The following WDR7 variants were observed in gnomAD, a reference collection of about 807,000 sequenced individuals.
The protein encoded by WDR7 is WD repeat-containing protein 7.
In WDR7, 46 loss-of-function variants were observed where a neutral mutation model predicts 169.4. That is an observed-to-expected ratio of 0.27 (90% CI 0.21 to 0.35). The LOEUF (loss-of-function observed/expected upper bound fraction) is 0.35. WDR7 is among the 10% of genes least tolerant of loss of function. The probability of loss-of-function intolerance (pLI) is 1.00; values close to 1 mark genes in which losing one functional copy is unlikely to be tolerated. For synonymous variants in WDR7, 612 were observed against 666.8 expected (o/e 0.92, Z 1.27); for missense variants, 1,534 against 1,859.3 (o/e 0.83, Z 3.22).
chr18:56,961,771 C>G (rs1489081648), intron 25 of WDR7, among the ~76,000 whole-genome samples: 1 of 152,022 alleles, frequency 6.6e-6, no homozygotes, highest in African/African-American at 2.4e-5. Context: ...ATATAAGTAC[C>G]AAATATGCTT....
chr18:56,708,801 G>A (rs1055845914), intron 12 of WDR7, among the ~76,000 whole-genome samples: 2 of 152,102 alleles, frequency 1.3e-5, no homozygotes, highest in Non-Finnish European at 2.9e-5. Context: ...TCCAGGCATG[G>A]TGGCATGTGC....
At chr18:56,751,786 A>G (rs1599015724) in intron 14 of WDR7, among the ~76,000 whole-genome samples, 1 of 152,352 alleles carries the variant, frequency 6.6e-6, no homozygotes, top group East Asian at 1.9e-4. Flanking sequence ...ATCAGTAAGC[A>G]TAGTGTCTGA....
chr18:56,964,365 C>G (rs1201806266), intron 26 of WDR7, among the ~76,000 whole-genome samples: 1 of 151,790 alleles, frequency 6.6e-6, no homozygotes, highest in African/African-American at 2.4e-5. Context: ...ATTTAGGCAT[C>G]TTATTTTTGT....
At chr18:56,902,272 A>G (rs2046413976) in intron 21 of WDR7, among the ~76,000 whole-genome samples, 1 of 152,208 alleles carries the variant, frequency 6.6e-6, no homozygotes, top group Admixed American at 6.5e-5. Flanking sequence ...TGTGTCATTC[A>G]AGCTGTTTTC....
chr18:56,784,442 C>T (rs2044364098), intron 19 of WDR7, among the ~76,000 whole-genome samples: 1 of 152,150 alleles, frequency 6.6e-6, no homozygotes, highest in Non-Finnish European at 1.5e-5. Context: ...CACCCTTCCC[C>T]TTCTGAGTCT....
At chr18:57,002,855 A>G (rs543346888) in intron 26 of WDR7, among the ~76,000 whole-genome samples, 9 of 152,312 alleles carry the variant, frequency 5.9e-5, no homozygotes, top group Non-Finnish European at 1.2e-4. Context: ...ACTGGCAGCC[A>G]GCATGCCATT....
In WDR7 at chr18:56,760,474, G is replaced by T. The variant is rs549018125; in HGVS notation, c.2848+1521G>T. Reference sequence around the variant, plus strand: ...AGTATATATTTTGTGCTTGTCTTTTGTGACATTTATCAGTGTTGTTGCATT... The same window carrying T: ...AGTATATATTTTGTGCTTGTCTTTTTTGACATTTATCAGTGTTGTTGCATT... On this transcript the variant is annotated intron_variant, in intron 16 of 27. Coordinates refer to ENST00000254442, the MANE Select transcript of WDR7 (RefSeq NM_015285.3). Among the ~76,000 whole-genome samples, 11 of 152,150 alleles carry T rather than the reference G, an allele frequency of 7.2e-5. No homozygotes were observed. The South Asian group carries it at 1.9e-3, about 26-fold the overall frequency.
intron 20 of WDR7, among the ~76,000 whole-genome samples, chr18:56,842,730 A>C (rs2045505249): frequency 6.6e-6 from 1 of 152,208 alleles, no homozygotes; most frequent in South Asian, 2.1e-4. Context: ...TGGCAAATGC[A>C]CATAGGAAAC....
intron 12 of WDR7, among the ~76,000 whole-genome samples, chr18:56,710,831 T>C (rs75620394): frequency 0.042 from 6,405 of 152,290 alleles, 166 homozygotes; most frequent in Middle Eastern, 0.092. Context: ...GTTATGAGAC[T>C]GTAATGAATT....
At chr18:56,995,652 A>T (rs187623579) in intron 26 of WDR7, among the ~76,000 whole-genome samples, 20 of 152,298 alleles carry the variant, frequency 1.3e-4, no homozygotes, top group Admixed American at 1.0e-3. Context: ...TCTAAAATTT[A>T]GTCCTTTATA....
intron 12 of WDR7, among the ~76,000 whole-genome samples, chr18:56,700,305 G>A (rs1429253541): frequency 2.7e-5 from 3 of 112,822 alleles, no homozygotes; most frequent in Non-Finnish European, 4.9e-5. Context: ...TTGCCAGGCT[G>A]GAGTGCAGTG....
intron 27 of WDR7, among the ~76,000 whole-genome samples, chr18:57,023,839 T>C (rs1350856640): frequency 6.6e-6 from 1 of 152,212 alleles, no homozygotes; most frequent in Non-Finnish European, 1.5e-5. Flanking sequence ...ATGCTGATAA[T>C]AAATTAGGTA....
intron 26 of WDR7, among the ~76,000 whole-genome samples, chr18:56,966,543 A>G (rs528198362): frequency 6.6e-6 from 1 of 152,240 alleles, no homozygotes; most frequent in African/African-American, 2.4e-5. Context: ...AACATACAAG[A>G]TATGTGTCAA....
At chr18:56,731,270 G>A in intron 13 of WDR7, 113 bp from the exon 14 acceptor site, 1 of 1,215,148 alleles carries the variant, frequency 8.2e-7, no homozygotes, top group Admixed American at 2.6e-5. Flanking sequence ...TTTCCAGGAG[G>A]CATTGATAAA....
intron 1 of WDR7, among the ~76,000 whole-genome samples, chr18:56,668,731 T>C (rs777460351): frequency 2.0e-5 from 3 of 152,172 alleles, no homozygotes; most frequent in Non-Finnish European, 2.9e-5. Flanking sequence ...ATTGCACAAT[T>C]GCACAATTTG....
chr18:56,862,204 A>C (rs945358114), intron 20 of WDR7, among the ~76,000 whole-genome samples: 1 of 151,948 alleles, frequency 6.6e-6, no homozygotes, highest in African/African-American at 2.4e-5. Context: ...GGAAGTCTGC[A>C]TACTTTATTT....
chr18:56,827,428 A>T (rs1468745115), intron 20 of WDR7, among the ~76,000 whole-genome samples: 1 of 152,192 alleles, frequency 6.6e-6, no homozygotes, highest in East Asian at 1.9e-4. Flanking sequence ...TCATTCTGTT[A>T]AGTGAAATAA....
chr18:56,670,979 T>C (rs1418293416), intron 1 of WDR7, among the ~76,000 whole-genome samples: 2 of 152,220 alleles, frequency 1.3e-5, no homozygotes, highest in African/African-American at 4.8e-5. Flanking sequence ...ATCTAGGTCT[T>C]TGACCACAGT....
intron 25 of WDR7, among the ~76,000 whole-genome samples, chr18:56,945,847 T>C (rs971619534): frequency 9.2e-5 from 14 of 152,004 alleles, no homozygotes; most frequent in African/African-American, 3.4e-4. Context: ...AAAACCTGAG[T>C]CATTGTTCTC....
Sources: gnomAD v4.1 joint callset for allele counts (sites outside exome capture counted in the v4.1 genomes callset) on GRCh38, gnomAD v4.1.1 for gene constraint, MANE v1.5 for transcripts, NCBI Gene and HGNC (gene_info 2026-07-23, HGNC 2026-07-21) for gene names.